Variants in CDK11B observed in about 807,000 individuals in gnomAD.
The protein encoded by CDK11B is cyclin-dependent kinase 11B.
CDK11B carries 37 observed loss-of-function variants against 84.0 expected under a neutral mutation model. That is an observed-to-expected ratio of 0.44 (90% CI 0.34 to 0.58). CDK11B has a LOEUF of 0.58. Among genes scored for constraint, CDK11B ranks in the 20% least tolerant of loss-of-function variants. The probability of loss-of-function intolerance (pLI) is 0.02; values close to 1 mark genes in which losing one functional copy is unlikely to be tolerated. For synonymous variants in CDK11B, 269 were observed against 309.8 expected (o/e 0.87, Z 1.38); for missense variants, 427 against 834.0 (o/e 0.51, Z 6.01).
chr1:1,640,987 A>G lies in CDK11B; in HGVS notation c.1075+61T>C. The G allele has an allele frequency of 8.2e-6, 13 of 1,593,864 alleles. No homozygotes were observed. In the Middle Eastern group the frequency reaches 5.1e-4, roughly 62 times the overall value. ...GCTGCGCAGGACCGGCTGTCTTAGG[A>G]GAGGGCTGCTGCACTCGGAGACAGA... On this transcript the variant is annotated intron_variant, in intron 10 of 19. Coordinates refer to ENST00000341832, the MANE Select transcript of CDK11B (RefSeq NM_033486.3).
At chr1:1,652,654 A>G (rs1642158852) in intron 3 of CDK11B, 88 bp from the exon 4 acceptor site, 1 of 982,356 alleles carries the variant, frequency 1.0e-6, no homozygotes, top group East Asian at 2.9e-5. Flanking sequence ...ACCCAGAAAA[A>G]TGCATGATTC....
chr1:1,645,696 T>A (rs1383640463), intron 5 of CDK11B: 21 of 334,700 alleles, frequency 6.3e-5, no homozygotes, highest in South Asian at 5.1e-4. Flanking sequence ...CAATTCTAAT[T>A]AATAAATGAT....
Position 1,637,819 on chromosome 1 carries a change from C to T in CDK11B, c.1407G>A (p.Ser469=), listed in dbSNP as rs138980727. The change falls in exon 13 of 20, where the codon TCG becomes TCA. Residue 469 remains serine (S), a synonymous_variant. Coordinates refer to ENST00000341832, the MANE Select transcript of CDK11B (RefSeq NM_033486.3). The part of the protein sequence containing the change: ...EKEKEGFPIT[S]LREINTILKA... The stretch of plus-strand genomic sequence containing the variant: ...TGAGGATGGTGTTGATCTCCCTCAG[C>T]GACGTGATCGGGAAGCCCTCCTTCT... The T allele has an allele frequency of 7.0e-6, 11 of 1,582,558 alleles. No individual in the cohort carries two copies. Among genetic ancestry groups the T allele is most frequent in the East Asian group, 2.3e-5 (1 of 43,366 alleles).
chr1:1,640,463 T>A lies in CDK11B; in HGVS notation c.1076-11A>T, dbSNP rs560514279. ...ACCGTGACTCTGGAACTGGAAAAGT[T>A]GAACCTAATTACGAAGCTAGGAGTA... On this transcript the variant is annotated splice_polypyrimidine_tract_variant and intron_variant, in intron 10 of 19. Transcript: ENST00000341832. 4 of 1,613,788 alleles carry A rather than the reference T, an allele frequency of 2.5e-6. No homozygotes were observed. The South Asian group carries it at 4.4e-5, about 18-fold the overall frequency.
chr1:1,656,792 A>G (rs1642813978), intron 2 of CDK11B, among the ~76,000 whole-genome samples: 2 of 152,228 alleles, frequency 1.3e-5, no homozygotes, highest in South Asian at 4.1e-4. Flanking sequence ...TATTGGAAAA[A>G]TGCTCAATGC....
chr1:1,640,748 C>T (rs1640160770), intron 10 of CDK11B, among the ~76,000 whole-genome samples: 1 of 152,246 alleles, frequency 6.6e-6, no homozygotes, highest in Non-Finnish European at 1.5e-5. Flanking sequence ...GGAGGCTGGG[C>T]CAGGCCTCTG....
rs1257766433 is a variant in CDK11B, at chr1:1,635,928, G to A, written c.2256+9C>T. 5.8e-6 allele frequency: 2 copies of A among 347,494 alleles called. No individual in the cohort carries two copies. Among genetic ancestry groups the A allele is most frequent in the East Asian group, 5.2e-5 (1 of 19,090 alleles). 21.5% of individuals were successfully genotyped at this position (347,494 alleles called of 1,614,324 possible). A position where few individuals can be genotyped will look rare whatever the true frequency, so the allele number is the denominator to read the frequency against. On this transcript the variant is annotated intron_variant, in intron 19 of 19. Coordinates refer to ENST00000341832, the MANE Select transcript of CDK11B (RefSeq NM_033486.3). ...CCTGTGGGCACGCCCCACCCGCCAGGCCCCTCACCAGCTGGCTGTAGCCCA... is the reference window on the plus strand; with the variant it reads ...CCTGTGGGCACGCCCCACCCGCCAGACCCCTCACCAGCTGGCTGTAGCCCA...
rs772610257 is a variant in CDK11B, at chr1:1,636,783, C to T, written c.1816G>A (p.Val606Met). ...ATGCAACCCACTGACCACATGTCCA[C>T]GGCCGTGGAGTATTCCTAAGAGGTC... ...LLGAKEYSTAVDMWSVGCIFG... is the reference protein window; with the variant it reads ...LLGAKEYSTAMDMWSVGCIFG... Residue 606 changes from valine (V) to methionine (M), a missense_variant, in exon 17 of 20, where the codon GTG becomes ATG. Physicochemically the swap from Val to Met is conservative, Grantham distance 21. Coordinates refer to ENST00000341832, the MANE Select transcript of CDK11B (RefSeq NM_033486.3). 7 of 1,613,898 alleles carry T rather than the reference C, an allele frequency of 4.3e-6. No individual in the cohort carries two copies. Among genetic ancestry groups the T allele is most frequent in the East Asian group, 2.2e-5 (1 of 44,880 alleles).
chr1:1,640,247 C>G lies in CDK11B; in HGVS notation c.1251+30G>C, dbSNP rs925396611. On this transcript the variant is annotated intron_variant, in intron 11 of 19. Transcript: ENST00000341832. ...TGGTAACTCCGACTGCCAATGCGGA[C>G]AGTGGCCCGGGGCGAGGGGAGGGCC... 137 of 1,610,556 alleles carry G rather than the reference C, an allele frequency of 8.5e-5. No individual in the cohort carries two copies. In the Admixed American group the frequency reaches 2.3e-3, roughly 26 times the overall value.
chr1:1,654,489 C>T (rs888340847), intron 3 of CDK11B, among the ~76,000 whole-genome samples: 1 of 151,672 alleles, frequency 6.6e-6, no homozygotes. Context: ...CCCTGTGTTG[C>T]CCAGGCTGGT....
At chr1:1,650,070 A>G (rs1305873871) in intron 4 of CDK11B, among the ~76,000 whole-genome samples, 1 of 149,348 alleles carries the variant, frequency 6.7e-6, no homozygotes, top group Admixed American at 6.7e-5. Context: ...TCAGATCGGG[A>G]CCATCCTGGC....
In CDK11B at chr1:1,643,568, G is replaced by A. The variant is rs1005723562; in HGVS notation, c.632-1060C>T. Among the ~76,000 whole-genome samples, 5 of 147,882 alleles carry A rather than the reference G, an allele frequency of 3.4e-5. 1 individual carries two copies. The highest frequency in any genetic ancestry group is 5.3e-5 in the African/African-American group (2 of 37,540). ...CTTTAGGGAACTGTCTTAACCTTCA[G>A]TTCCTCAGAGAACGAAAGGAAGATG... On this transcript the variant is annotated intron_variant, in intron 6 of 19. Transcript: ENST00000341832.
At chr1:1,648,916 G>C (rs1015182028) in intron 5 of CDK11B, among the ~76,000 whole-genome samples, 1 of 152,108 alleles carries the variant, frequency 6.6e-6, no homozygotes, top group African/African-American at 2.4e-5. Flanking sequence ...TTACAGGCAT[G>C]AGCCACCGCG....
intron 4 of CDK11B, among the ~76,000 whole-genome samples, chr1:1,650,019 A>AT (rs1312994765): frequency 6.6e-6 from 1 of 151,180 alleles, no homozygotes; most frequent in Non-Finnish European, 1.5e-5. Flanking sequence ...CACGCCTGTA[A>AT]TTCCAGCACT....
rs1639781218 is a variant in CDK11B, at chr1:1,638,731, C to A, written c.1252-141G>T. 7 of 789,488 alleles carry A rather than the reference C, an allele frequency of 8.9e-6. No homozygotes were observed. In the East Asian group the frequency reaches 1.9e-4, roughly 21 times the overall value. The allele number at this position is 789,488 out of a possible 1,614,324, so 48.9% of individuals were successfully genotyped here. On this transcript the variant is annotated intron_variant, in intron 11 of 19. Coordinates refer to ENST00000341832, the MANE Select transcript of CDK11B (RefSeq NM_033486.3). Reference sequence around the variant, plus strand: ...ACTGGGCCGGGGGTGGAGCCGGGAGCAGCTCAGTTCTTTCAAAGTCTCTTT... The same window carrying A: ...ACTGGGCCGGGGGTGGAGCCGGGAGAAGCTCAGTTCTTTCAAAGTCTCTTT...
At chr1:1,653,825 TACACACACACACAC>T (rs782129056) in intron 3 of CDK11B, among the ~76,000 whole-genome samples, 8 of 121,842 alleles carry the variant, frequency 6.6e-5, no homozygotes, top group African/African-American at 2.3e-4. Context: ...CTACTAAAAA[TACACACACACACAC>T]ACACACACAC....
At chr1:1,656,398 G>A (rs1359714893) in intron 2 of CDK11B, among the ~76,000 whole-genome samples, 1 of 152,088 alleles carries the variant, frequency 6.6e-6, no homozygotes, top group Admixed American at 6.5e-5. Context: ...GGCTGAGACA[G>A]GAGAACTGCT....
chr1:1,640,970 G>A lies in CDK11B; in HGVS notation c.1075+78C>T, dbSNP rs1640199948. 1.9e-6 allele frequency: 3 copies of A among 1,598,014 alleles called. No individual in the cohort carries two copies. The East Asian group carries it at 6.7e-5, about 36-fold the overall frequency. On this transcript the variant is annotated intron_variant, in intron 10 of 19. Coordinates refer to ENST00000341832, the MANE Select transcript of CDK11B (RefSeq NM_033486.3). ...ACCCTGGCGTGCCCCACGCTGCGCA[G>A]GACCGGCTGTCTTAGGAGAGGGCTG...
chr1:1,636,720 C>T lies in CDK11B; in HGVS notation c.1879G>A (p.Gly627Arg), dbSNP rs766534863. The part of the protein sequence containing the change: ...ELLTQKPLFP[G>R]KSEIDQINKV... ...TTGATCTGATCGATTTCTGACTTCC[C>T]GGGGAACAGAGGCTTCTGAGTCAGC... The change falls in exon 17 of 20, where the codon GGG (glycine) becomes AGG (arginine). Residue 627 changes from glycine to arginine, a missense_variant. By Grantham distance (125) the Gly-to-Arg change is moderately radical. Around this residue, in one of 12 missense-constraint regions of CDK11B, gnomAD observed 170 missense variants for 196.0 expected, o/e 0.87. Transcript: ENST00000341832. 3.1e-6 allele frequency: 5 copies of T among 1,613,870 alleles called. No homozygotes were observed. Among genetic ancestry groups the T allele is most frequent in the Admixed American group, 1.7e-5 (1 of 60,004 alleles).
Sources: gnomAD v4.1 joint callset for allele counts (sites outside exome capture counted in the v4.1 genomes callset) on GRCh38, gnomAD v4.1.1 for gene constraint, gnomAD v4.1.1 regional missense constraint, MANE v1.5 for transcripts, NCBI Gene and HGNC (gene_info 2026-07-23, HGNC 2026-07-21) for gene names.